The following FOXP2 variants were observed in gnomAD, a reference collection of about 807,000 sequenced individuals.
The protein encoded by FOXP2 is forkhead box protein P2.
In FOXP2, 12 loss-of-function variants were observed where a neutral mutation model predicts 115.8. That is an observed-to-expected ratio of 0.10 (90% confidence interval 0.07 to 0.17). The LOEUF (loss-of-function observed/expected upper bound fraction) is 0.17, where lower values mean the gene tolerates loss of function less well. Ranked by LOEUF, FOXP2 falls within the 10% of genes least tolerant of loss-of-function variation. The pLI, the probability that FOXP2 is intolerant of heterozygous loss-of-function variation, is 1.00. For synonymous variants in FOXP2, 328 were observed against 297.7 expected (o/e 1.10, Z -1.05); for missense variants, 629 against 843.5 (o/e 0.75, Z 3.15).
At chr7:114,421,395 C>T (rs1793612169) in intron 1 of FOXP2, among the ~76,000 whole-genome samples, 1 of 151,510 alleles carries the variant, frequency 6.6e-6, no homozygotes, top group South Asian at 2.1e-4. Flanking sequence ...ACAGTATTAT[C>T]TTTGCTAAAA....
chr7:114,329,643 GTTTTATTTATTTATTTA>G (rs1248441425), intron 2 of FOXP2, among the ~76,000 whole-genome samples: 224 of 145,340 alleles, frequency 1.5e-3, no homozygotes, highest in Non-Finnish European at 2.5e-3. Flanking sequence ...CACTATGTAA[GTTTTATTTATTTATTTA>G]TTTATTTATT....
In FOXP2 at chr7:114,691,598, A is replaced by G. The variant is rs1808669107; in HGVS notation, c.*1672A>G. The stretch of plus-strand genomic sequence containing the variant: ...AATAGCATAGTCAGATGTTTGCTTA[A>G]AACCTAGAAACTTAACATGTTGCTT... On this transcript the variant is annotated 3_prime_UTR_variant, in exon 17 of 17. Transcript: ENST00000350908. The G allele has an allele frequency of 2.2e-6, 1 of 453,888 alleles. No homozygotes were observed. The highest frequency in any genetic ancestry group is 4.4e-6 in the Non-Finnish European group (1 of 226,756). 28.1% of individuals were successfully genotyped at this position (453,888 alleles called of 1,614,324 possible).
At chr7:114,123,829 G>A in intron 1 of FOXP2, among the ~76,000 whole-genome samples, 1 of 151,808 alleles carries the variant, frequency 6.6e-6, no homozygotes. Flanking sequence ...TAAGCATTTG[G>A]GTTTTCTACC....
At chr7:114,445,770 T>C (rs1237603607) in intron 2 of FOXP2, among the ~76,000 whole-genome samples, 1 of 152,126 alleles carries the variant, frequency 6.6e-6, no homozygotes, top group African/African-American at 2.4e-5. Context: ...ATAATCCTAT[T>C]CTTCTACATA....
chr7:114,354,817 T>A (rs1456025372), intron 2 of FOXP2, among the ~76,000 whole-genome samples: 1 of 152,234 alleles, frequency 6.6e-6, no homozygotes, highest in Admixed American at 6.5e-5. Context: ...AAGTGACATT[T>A]CTGATAGTTT....
intron 1 of FOXP2, among the ~76,000 whole-genome samples, chr7:114,108,464 A>G (rs1039161237): frequency 1.3e-4 from 19 of 151,864 alleles, no homozygotes; most frequent in African/African-American, 4.3e-4. Context: ...ATTTCTTCAA[A>G]GTTTTAAAAC....
intron 1 of FOXP2, among the ~76,000 whole-genome samples, chr7:114,156,805 C>T (rs1295349836): frequency 2.0e-5 from 3 of 152,064 alleles, no homozygotes; most frequent in African/African-American, 7.2e-5. Flanking sequence ...TTAGGAAAGA[C>T]ATTTATCTTA....
chr7:114,590,715 G>A (rs142866169), intron 3 of FOXP2, among the ~76,000 whole-genome samples: 5 of 152,260 alleles, frequency 3.3e-5, no homozygotes, highest in Admixed American at 6.5e-5. Context: ...GTAAGGGCTA[G>A]TATTTGAGTT....
At chr7:114,147,391 G>T (rs915071924) in intron 1 of FOXP2, among the ~76,000 whole-genome samples, 1 of 152,108 alleles carries the variant, frequency 6.6e-6, no homozygotes, top group African/African-American at 2.4e-5. Context: ...CAGAGGGCAG[G>T]AGACACATTA....
intron 3 of FOXP2, chr7:114,571,005 T>A: frequency 2.4e-6 from 2 of 843,502 alleles, no homozygotes; most frequent in Non-Finnish European, 4.1e-6. Flanking sequence ...ATAATCAAGA[T>A]ACAAATAATG....
rs116381449 is a variant in FOXP2, at chr7:114,132,416, A to C, written c.-246-30528A>C. On this transcript the variant is annotated intron_variant, in intron 1 of 19. Coordinates refer to the FOXP2 transcript ENST00000635638. ...AAGATACAGCAGAGAACAAAACATAAAAAAATCACTTATCTTCTGCAGTCT... is the reference window on the plus strand; with the variant it reads ...AAGATACAGCAGAGAACAAAACATACAAAAATCACTTATCTTCTGCAGTCT... Among the ~76,000 whole-genome samples the C allele has an allele frequency of 4.2e-3, 645 of 152,244 alleles. 3 individuals are homozygous for C. Among genetic ancestry groups the C allele is most frequent in the African/African-American group, 0.015 (620 of 41,548 alleles).
chr7:114,230,785 A>G (rs1008240765), intron 1 of FOXP2, among the ~76,000 whole-genome samples: 2 of 152,016 alleles, frequency 1.3e-5, no homozygotes, highest in Non-Finnish European at 2.9e-5. Flanking sequence ...TTGAAAAGCT[A>G]AAAGCTTTTC....
chr7:114,442,343 GA>G (rs1245414604), intron 2 of FOXP2, among the ~76,000 whole-genome samples: 2 of 136,750 alleles, frequency 1.5e-5, no homozygotes, highest in Non-Finnish European at 3.1e-5. Context: ...AAACGGGCAA[GA>G]GGGATTTTTT....
chr7:114,378,762 T>A (rs1261938651), intron 2 of FOXP2, among the ~76,000 whole-genome samples: 1 of 146,552 alleles, frequency 6.8e-6, no homozygotes, highest in African/African-American at 2.5e-5. Flanking sequence ...TTCTGCTGTC[T>A]GGTACCTACA....
At position 114,391,692 on chromosome 7, in the gene FOXP2, A is replaced by G. The variant is rs143768644; in HGVS notation, c.-10-34810A>G. Among the ~76,000 whole-genome samples, 223 of 152,326 alleles carry G rather than the reference A, an allele frequency of 1.5e-3. 1 individual carries two copies. The highest frequency in any genetic ancestry group is 5.1e-3 in the African/African-American group (211 of 41,582). ...ATTTAAAATATACTTTTTTCAGAAGACACAAACCATAAAACGTAAGCCTTT... is the reference window on the plus strand; with the variant it reads ...ATTTAAAATATACTTTTTTCAGAAGGCACAAACCATAAAACGTAAGCCTTT... On this transcript the variant is annotated intron_variant, in intron 2 of 17. Transcript: ENST00000634411.
intron 10 of FOXP2, among the ~76,000 whole-genome samples, chr7:114,654,786 A>G (rs1806479942): frequency 6.6e-6 from 1 of 152,120 alleles, no homozygotes; most frequent in Admixed American, 6.6e-5. Context: ...AGGCCCCTGT[A>G]TAGCCTGATG....
chr7:114,387,159 T>C (rs1370824513), intron 2 of FOXP2, among the ~76,000 whole-genome samples: 1 of 152,232 alleles, frequency 6.6e-6, no homozygotes, highest in Admixed American at 6.5e-5. Flanking sequence ...TTCTTCCAAG[T>C]TCTATTCATT....
intron 1 of FOXP2, among the ~76,000 whole-genome samples, chr7:114,422,091 G>A (rs1404558973): frequency 6.6e-6 from 1 of 151,668 alleles, no homozygotes; most frequent in African/African-American, 2.4e-5. Context: ...AAAGATTAAG[G>A]AGGTATTTAA....
At chr7:114,258,263 A>C (rs1290297571) in intron 1 of FOXP2, among the ~76,000 whole-genome samples, 11 of 152,220 alleles carry the variant, frequency 7.2e-5, no homozygotes, top group Non-Finnish European at 1.3e-4. Context: ...TTCAAGTTAT[A>C]AAAACAGGAT....
Sources: allele counts gnomAD v4.1 joint callset (sites outside exome capture counted in the v4.1 genomes callset), GRCh38; gene constraint gnomAD v4.1.1; transcripts MANE v1.5; gene names NCBI Gene and HGNC (gene_info 2026-07-23, HGNC 2026-07-21).